ASTN2: variants seen among roughly 807,000 people sequenced by gnomAD.
ASTN2 encodes the protein astrotactin 2, also known as astrotactin-2.
In ASTN2, 54 loss-of-function variants were observed where a neutral mutation model predicts 139.8. The observed-to-expected ratio is 0.39, with a 90% confidence interval of 0.31 to 0.48. The LOEUF (loss-of-function observed/expected upper bound fraction) is 0.48. Ranked by LOEUF, ASTN2 falls within the 20% of genes least tolerant of loss-of-function variation. ASTN2 has a pLI of 0.95. For missense variants in ASTN2, 1,565 were observed against 1,725.1 expected (o/e 0.91, Z 1.64); for synonymous variants, 756 against 719.5 (o/e 1.05, Z -0.81).
At chr9:116,979,778 T>G (rs369370111) in intron 7 of ASTN2, among the ~76,000 whole-genome samples, 1 of 152,082 alleles carries the variant, frequency 6.6e-6, no homozygotes, top group African/African-American at 2.4e-5. Flanking sequence ...CCCTCTTGTT[T>G]ATGGAAAGGG....
intron 4 of ASTN2, among the ~76,000 whole-genome samples, chr9:117,125,277 C>A (rs1267486495): frequency 6.6e-6 from 1 of 152,118 alleles, no homozygotes; most frequent in Non-Finnish European, 1.5e-5. Flanking sequence ...TTTGGGGAGA[C>A]AGTTGGTTAG....
chr9:116,665,318 T>C (rs1268218416), intron 16 of ASTN2, among the ~76,000 whole-genome samples: 4 of 152,218 alleles, frequency 2.6e-5, no homozygotes, highest in African/African-American at 9.7e-5. Flanking sequence ...AAGTAAGCCA[T>C]TACGTTACTG....
At chr9:116,461,320 C>A (rs1848478836) in intron 20 of ASTN2, among the ~76,000 whole-genome samples, 2 of 151,574 alleles carry the variant, frequency 1.3e-5, no homozygotes, top group Non-Finnish European at 2.9e-5. Flanking sequence ...CTAATATATC[C>A]CCAGTGCCAA....
intron 3 of ASTN2, among the ~76,000 whole-genome samples, chr9:117,145,369 A>G (rs936346653): frequency 1.1e-4 from 17 of 151,740 alleles, no homozygotes; most frequent in African/African-American, 3.6e-4. Context: ...CTCCATTTAC[A>G]CTCCCAGATC....
chr9:116,666,302 G>C (rs1858858228), intron 16 of ASTN2, among the ~76,000 whole-genome samples: 1 of 152,192 alleles, frequency 6.6e-6, no homozygotes, highest in Non-Finnish European at 1.5e-5. Context: ...TTGGATGATA[G>C]AATTTGGGGG....
In ASTN2 at chr9:116,453,593, C is replaced by CAAAAAAAAAAAAAAAAAAAAAAA. The variant is rs386416019; in HGVS notation, c.3498-11063_3498-11041dup. ...TGGGCAAAAGTGCGAGACTCCGTCTCAAAAAAAAAAAAAAAAAAAAAAAAA... is the reference window on the plus strand; with the variant it reads ...TGGGCAAAAGTGCGAGACTCCGTCTCAAAAAAAAAAAAAAAAAAAAAAAAAAAAAAAAAAAAAAAAAAAAAAAA... On this transcript the variant is annotated intron_variant, in intron 20 of 22. Transcript: ENST00000313400. Among the ~76,000 whole-genome samples the CAAAAAAAAAAAAAAAAAAAAAAA allele has an allele frequency of 8.5e-5, 5 of 58,794 alleles. 1 individual carries two copies. The East Asian group carries it at 2.1e-3, about 25-fold the overall frequency. 38.6% of individuals were successfully genotyped at this position (58,794 alleles called of 152,430 possible). A position where few individuals can be genotyped will look rare whatever the true frequency, so the allele number is the denominator to read the frequency against.
chr9:116,941,231 T>C (rs1835219747), intron 10 of ASTN2, among the ~76,000 whole-genome samples: 1 of 152,188 alleles, frequency 6.6e-6, no homozygotes, highest in Non-Finnish European at 1.5e-5. Flanking sequence ...GCATGGTATT[T>C]GACTCTGCTA....
At chr9:116,538,727 C>G (rs1382161617) in intron 19 of ASTN2, among the ~76,000 whole-genome samples, 3 of 152,170 alleles carry the variant, frequency 2.0e-5, no homozygotes, top group Non-Finnish European at 4.4e-5. Context: ...ATGCATCCTA[C>G]AAGTGATGAT....
chr9:116,713,599 C>T (rs1828230586), intron 16 of ASTN2, among the ~76,000 whole-genome samples: 1 of 152,128 alleles, frequency 6.6e-6, no homozygotes, highest in South Asian at 2.1e-4. Context: ...AAGAGAAATG[C>T]CACACAAAGA....
chr9:117,284,410 T>C (rs1361207572), intron 2 of ASTN2, among the ~76,000 whole-genome samples: 2 of 152,178 alleles, frequency 1.3e-5, no homozygotes, highest in Admixed American at 1.3e-4. Context: ...TGGCCTCTGG[T>C]GTCCTCATAA....
chr9:116,544,687 T>C (rs1852017717), intron 19 of ASTN2, among the ~76,000 whole-genome samples: 1 of 152,156 alleles, frequency 6.6e-6, no homozygotes. Context: ...ACAGACCTCA[T>C]ACTTTTGACA....
intron 3 of ASTN2, among the ~76,000 whole-genome samples, chr9:117,151,190 A>C (rs940739950): frequency 6.6e-6 from 1 of 152,096 alleles, no homozygotes; most frequent in Non-Finnish European, 1.5e-5. Flanking sequence ...ACAAGTAACA[A>C]AAATCTTAAA....
At chr9:117,164,610 A>G (rs1022089645) in intron 3 of ASTN2, among the ~76,000 whole-genome samples, 1 of 152,000 alleles carries the variant, frequency 6.6e-6, no homozygotes, top group Non-Finnish European at 1.5e-5. Context: ...TCATGGGTAG[A>G]TTTGAGGTTG....
chr9:117,146,339 C>T (rs1830194900), intron 3 of ASTN2, among the ~76,000 whole-genome samples: 1 of 151,908 alleles, frequency 6.6e-6, no homozygotes, highest in Non-Finnish European at 1.5e-5. Flanking sequence ...GGAACACTGC[C>T]TCTTTCTAAT....
intron 2 of ASTN2, among the ~76,000 whole-genome samples, chr9:117,243,718 T>C (rs1833283053): frequency 6.6e-6 from 1 of 152,176 alleles, no homozygotes; most frequent in Non-Finnish European, 1.5e-5. Context: ...ATCTGATCCT[T>C]ATTTCCAACT....
At chr9:116,790,856 C>G (rs7865139) in intron 13 of ASTN2, among the ~76,000 whole-genome samples, 6,807 of 146,808 alleles carry the variant, frequency 0.046, 482 homozygotes, top group African/African-American at 0.16. Flanking sequence ...TGTATTTTTA[C>G]TAGAGACGGG....
At chr9:116,969,283 G>A (rs1223495209) in intron 10 of ASTN2, among the ~76,000 whole-genome samples, 1 of 152,182 alleles carries the variant, frequency 6.6e-6, no homozygotes, top group Admixed American at 6.5e-5. Context: ...CTTACTGGCT[G>A]TGTGATCTTG....
At chr9:116,570,518 C>G (rs1449697205) in intron 19 of ASTN2, among the ~76,000 whole-genome samples, 4 of 152,100 alleles carry the variant, frequency 2.6e-5, no homozygotes. Context: ...GCCTCAGCCT[C>G]TCGAGTAGCT....
At chr9:116,768,444 C>G (rs369481116) in intron 13 of ASTN2, among the ~76,000 whole-genome samples, 27 of 152,268 alleles carry the variant, frequency 1.8e-4, no homozygotes, top group African/African-American at 6.0e-4. Context: ...GCCTCCCTGA[C>G]CCGTCCTCCA....
Sources: allele counts gnomAD v4.1 joint callset (sites outside exome capture counted in the v4.1 genomes callset), GRCh38; gene constraint gnomAD v4.1.1; transcripts MANE v1.5; gene names NCBI Gene and HGNC (gene_info 2026-07-23, HGNC 2026-07-21).